Variants in CP observed in about 807,000 individuals in gnomAD.
CP encodes ceruloplasmin.
A neutral mutation model predicts 122.4 loss-of-function variants in CP; 64 were observed. The ratio of observed to expected loss-of-function variants is 0.52; its 90% confidence interval spans 0.43 to 0.64. The LOEUF (loss-of-function observed/expected upper bound fraction) is 0.64, where lower values mean the gene tolerates loss of function less well. Ranked by LOEUF, CP falls within the 30% of genes least tolerant of loss-of-function variation. The probability of loss-of-function intolerance (pLI) is 0.00; values close to 1 mark genes in which losing one functional copy is unlikely to be tolerated. For missense variants in CP, 1,167 were observed against 1,284.4 expected (o/e 0.91, Z 1.40); for synonymous variants, 440 against 436.4 (o/e 1.01, Z -0.10).
rs773374620 is a variant in CP, at chr3:149,210,303, G to A, written c.471C>T (p.Tyr157=). The A allele has an allele frequency of 2.5e-6, 4 of 1,614,084 alleles. No individual in the cohort carries two copies. In the Admixed American group the frequency reaches 6.7e-5, roughly 27 times the overall value. ...DKVYPGEQYT[Y]MLLATEEQSP... ...TTTGTTCTTCAGTGGCAAGCAACAT[G>A]TATGTATACTGCTCTCCTGGATATA... is the stretch of plus-strand genomic sequence containing the variant. Residue 157 remains tyrosine (Y), a synonymous_variant, in exon 3 of 19, where the codon TAC becomes TAT. Coordinates refer to ENST00000264613, the MANE Select transcript of CP (RefSeq NM_000096.4).
downstream of CP, chr3:149,172,471 C>A: frequency 2.8e-6 from 1 of 359,044 alleles, no homozygotes; most frequent in Non-Finnish European, 5.2e-6. Flanking sequence ...GTCTTTAAGA[C>A]ATAAGAATTC....
downstream of CP, chr3:149,167,913 G>A: frequency 6.2e-7 from 1 of 1,604,556 alleles, no homozygotes; most frequent in Non-Finnish European, 8.5e-7. Flanking sequence ...GGAAAAAACT[G>A]TTGCCTGAAC....
At chr3:149,181,027 G>T (rs1725739533) in intron 14 of CP, among the ~76,000 whole-genome samples, 1 of 152,040 alleles carries the variant, frequency 6.6e-6, no homozygotes, top group Non-Finnish European at 1.5e-5. Context: ...TGATGATGAT[G>T]ATTTTACCCA....
intron 9 of CP, among the ~76,000 whole-genome samples, chr3:149,193,967 A>C (rs927113198): frequency 1.2e-4 from 18 of 152,240 alleles, no homozygotes; most frequent in African/African-American, 4.3e-4. Context: ...TGCAAAATGA[A>C]GATAATGAAA....
At chr3:149,181,166 G>C (rs914641942) in intron 14 of CP, among the ~76,000 whole-genome samples, 6 of 152,066 alleles carry the variant, frequency 3.9e-5, no homozygotes, top group African/African-American at 9.7e-5. Context: ...TCGAGTCTGA[G>C]GTCCTCCCTA....
rs1206546211 is a variant in CP at position 149,183,568 on chromosome 3, T to C, written c.2323A>G (p.Ile775Val). Residue 775 changes from isoleucine (I) to valine (V), a missense_variant, in exon 13 of 19, where the codon ATA (isoleucine) becomes GTA (valine). By Grantham distance (29) the Ile-to-Val change is conservative. Around this residue, in one of 2 missense-constraint regions of CP, gnomAD observed 525 missense variants for 657.2 expected, o/e 0.80. Coordinates refer to ENST00000264613, the MANE Select transcript of CP (RefSeq NM_000096.4). ...NAFLDKGEFY[I>V]GSKYKKVVYR... ...ACAACTTTCTTGTACTTTGAGCCTA[T>C]GTAAAACTCTCCCTTATCTAAAAAT... 1 of 1,606,396 alleles carries C rather than the reference T, an allele frequency of 6.2e-7. No individual in the cohort carries two copies. Among genetic ancestry groups the C allele is most frequent in the African/African-American group, 1.3e-5 (1 of 74,354 alleles).
At chr3:149,206,131 G>A (rs773354353) in intron 6 of CP, 37 bp downstream of exon 6, 3 of 1,591,280 alleles carry the variant, frequency 1.9e-6, no homozygotes, top group Admixed American at 1.7e-5. Flanking sequence ...GCGGGGGAGA[G>A]CATATTTTGA....
chr3:149,195,006 A>G (rs1207667355), intron 9 of CP, among the ~76,000 whole-genome samples: 1 of 152,212 alleles, frequency 6.6e-6, no homozygotes, highest in Non-Finnish European at 1.5e-5. Flanking sequence ...AGACTCACTT[A>G]TATATAAATA....
chr3:149,168,949 C>T (rs1724704633), downstream of CP, among the ~76,000 whole-genome samples: 1 of 152,052 alleles, frequency 6.6e-6, no homozygotes, highest in African/African-American at 2.4e-5. Flanking sequence ...TTTTCTGATC[C>T]ACATCCACAC....
intron 2 of CP, among the ~76,000 whole-genome samples, chr3:149,210,816 C>T (rs1007942422): frequency 3.3e-5 from 5 of 152,128 alleles, no homozygotes; most frequent in African/African-American, 1.2e-4. Context: ...AATGCTGAAC[C>T]TCTGTGTACC....
chr3:149,172,315 A>G, downstream of CP: 2 of 697,506 alleles, frequency 2.9e-6, no homozygotes, highest in South Asian at 1.6e-5. Context: ...TTTATTTTAT[A>G]TATCACACAC....
Position 149,212,637 on chromosome 3 carries a change from C to G in CP, c.208G>C (p.Ala70Pro). Residue 70 changes from alanine (A) to proline (P), a missense_variant, in exon 2 of 19, where the codon GCC (alanine) becomes CCC (proline). Physicochemically the swap from Ala to Pro is conservative, Grantham distance 27. This residue lies in a region of CP where 642 missense variants were observed against 627.3 expected (regional missense o/e 1.02). Coordinates refer to ENST00000264613, the MANE Select transcript of CP (RefSeq NM_000096.4). ...PDRIGRLYKK[A>P]LYLQYTDETF... ...TCATCTGTGTACTGAAGATAAAGGGCCTTCTTATATAGTCTCCCAATTCTA... is the reference window on the plus strand; with the variant it reads ...TCATCTGTGTACTGAAGATAAAGGGGCTTCTTATATAGTCTCCCAATTCTA... 1 of 1,613,804 alleles carries G rather than the reference C, an allele frequency of 6.2e-7. No homozygotes were observed. The highest frequency in any genetic ancestry group is 8.5e-7 in the Non-Finnish European group (1 of 1,179,914).
chr3:149,181,892 A>T (rs1725803500), intron 14 of CP, 113 bp downstream of exon 14: 2 of 1,185,426 alleles, frequency 1.7e-6, no homozygotes, highest in Non-Finnish European at 2.5e-6. Context: ...CCCTCTTCAC[A>T]ACTACCTCCC....
downstream of CP, chr3:149,171,996 C>T (rs960147317): frequency 8.2e-6 from 10 of 1,224,230 alleles, no homozygotes; most frequent in Admixed American, 3.5e-5. Context: ...TGAGCCACCA[C>T]GCCTGGCCTG....
Position 149,185,232 on chromosome 3 carries a change from G to A in CP, c.2285+7C>T, listed in dbSNP as rs1227566870. On this transcript the variant is annotated splice_region_variant and intron_variant, in intron 12 of 18. Coordinates refer to ENST00000264613, the MANE Select transcript of CP (RefSeq NM_000096.4). ...CTGAAATTGGGAATCAGAGTCTGGAGAATTACTTCTGCTCTTGTAAATGAT... is the reference window on the plus strand; with the variant it reads ...CTGAAATTGGGAATCAGAGTCTGGAAAATTACTTCTGCTCTTGTAAATGAT... The A allele has an allele frequency of 6.2e-7, 1 of 1,611,764 alleles. No homozygotes were observed. Among genetic ancestry groups the A allele is most frequent in the East Asian group, 2.2e-5 (1 of 44,864 alleles).
rs1294895069 is a variant in CP at position 149,212,521 on chromosome 3, G to A, written c.324C>T (p.His108=). The A allele has an allele frequency of 1.2e-6, 2 of 1,613,794 alleles. No individual in the cohort carries two copies. The highest frequency in any genetic ancestry group is 1.3e-5 in the African/African-American group (1 of 74,892). ...AGGGCCTAGAGGCAAGGTTTTTTAA[G>A]TGTACATAAACTTTATCTCCAGTTT... ...KAETGDKVYV[H]LKNLASRPYT... The change falls in exon 2 of 19, where the codon CAC becomes CAT. Residue 108 remains histidine (H), a synonymous_variant. Transcript: ENST00000264613.
chr3:149,177,401 G>A (rs1265819513), intron 17 of CP, among the ~76,000 whole-genome samples: 2 of 152,152 alleles, frequency 1.3e-5, no homozygotes, highest in Non-Finnish European at 2.9e-5. Flanking sequence ...AAATTGCTGT[G>A]CCTTATATAG....
chr3:149,196,462 C>T (rs963668825), intron 9 of CP, among the ~76,000 whole-genome samples: 4 of 151,836 alleles, frequency 2.6e-5, no homozygotes, highest in Non-Finnish European at 2.9e-5. Context: ...GTTCCAAATC[C>T]TCACCAAAAA....
At chr3:149,215,624 C>G (rs1728418303) in intron 1 of CP, among the ~76,000 whole-genome samples, 1 of 152,154 alleles carries the variant, frequency 6.6e-6, no homozygotes, top group African/African-American at 2.4e-5. Flanking sequence ...TCCAAATAAA[C>G]ATTAAAAGGT....
Sources: allele counts gnomAD v4.1 joint callset (sites outside exome capture counted in the v4.1 genomes callset), GRCh38; gene constraint gnomAD v4.1.1; regional missense constraint gnomAD v4.1.1; transcripts MANE v1.5; gene names NCBI Gene and HGNC (gene_info 2026-07-23, HGNC 2026-07-21).